Variants in PCDH15 observed in about 807,000 individuals in gnomAD.
The protein encoded by PCDH15 is protocadherin-15.
A neutral mutation model predicts 178.5 loss-of-function variants in PCDH15; 129 were observed. That is an observed-to-expected ratio of 0.72 (90% CI 0.63 to 0.84). The LOEUF (loss-of-function observed/expected upper bound fraction) is 0.84. PCDH15 is among the 40% of genes least tolerant of loss of function. PCDH15 has a pLI of 0.00. For synonymous variants in PCDH15, 800 were observed against 732.0 expected, an observed-to-expected ratio of 1.09 and a Z score of -1.50; for missense variants, 2,230 against 2,099.9, an observed-to-expected ratio of 1.06 and a Z score of -1.21.
At chr10:55,230,430 T>C (rs1177027092) in intron 1 of PCDH15, among the ~76,000 whole-genome samples, 2 of 152,120 alleles carry the variant, frequency 1.3e-5, no homozygotes, top group Non-Finnish European at 2.9e-5. Context: ...TAAGTAATAT[T>C]TACTCAGTGG....
chr10:54,722,576 G>C (rs1941802664), intron 1 of PCDH15, among the ~76,000 whole-genome samples: 1 of 117,740 alleles, frequency 8.5e-6, no homozygotes, highest in African/African-American at 3.1e-5. Flanking sequence ...TTGCAATTGG[G>C]ACCAAAAAAA....
At chr10:54,442,414 C>CTTTTTATATATATATA (rs1491511066) in intron 3 of PCDH15, among the ~76,000 whole-genome samples, 8 of 19,160 alleles carry the variant, frequency 4.2e-4, no homozygotes, top group African/African-American at 1.4e-3. Flanking sequence ...GCCTTAAAGG[C>CTTTTTATATATATATA]TATATATATA....
At chr10:54,046,630 G>A (rs1409955764) in intron 18 of PCDH15, among the ~76,000 whole-genome samples, 4 of 151,698 alleles carry the variant, frequency 2.6e-5, no homozygotes, top group East Asian at 1.9e-4. Context: ...AAAAACCCAG[G>A]AAATTAACAT....
At chr10:55,194,285 C>T (rs7093040) in intron 1 of PCDH15, among the ~76,000 whole-genome samples, 1 of 151,692 alleles carries the variant, frequency 6.6e-6, no homozygotes, top group African/African-American at 2.4e-5. Context: ...CTTCATCATT[C>T]TTTTATCTCA....
At chr10:53,983,383 C>T (rs753984284) in intron 21 of PCDH15, among the ~76,000 whole-genome samples, 4 of 151,098 alleles carry the variant, frequency 2.6e-5, no homozygotes, top group Admixed American at 1.3e-4. Context: ...AAACAGCAGG[C>T]GGAACTCTTC....
intron 1 of PCDH15, among the ~76,000 whole-genome samples, chr10:54,690,598 C>T (rs892459843): frequency 6.6e-6 from 1 of 152,088 alleles, no homozygotes; most frequent in Admixed American, 6.6e-5. Context: ...CAGGCATGAG[C>T]CACCATGGCC....
intron 12 of PCDH15, among the ~76,000 whole-genome samples, chr10:54,184,850 C>T (rs1263850207): frequency 6.6e-6 from 1 of 151,300 alleles, no homozygotes. Context: ...CAATTTAAGA[C>T]AATTATGACT....
At chr10:55,445,339 C>T (rs768923085) in intron 2 of PCDH15, among the ~76,000 whole-genome samples, 72 of 152,016 alleles carry the variant, frequency 4.7e-4, no homozygotes, top group Middle Eastern at 3.4e-3. Flanking sequence ...AAACTCCCAA[C>T]CAGGGAAAAA....
upstream of PCDH15, among the ~76,000 whole-genome samples, chr10:55,322,023 T>C (rs1843914450): frequency 6.6e-6 from 1 of 152,148 alleles, no homozygotes; most frequent in East Asian, 1.9e-4. Flanking sequence ...TTGGTATGGT[T>C]TGTCTGAGTC....
In PCDH15 at chr10:53,811,575, T is replaced by G; in HGVS notation, c.4536A>C (p.Gly1512=). The change falls in exon 36 of 38, where the codon GGA becomes GGC. Residue 1512 remains glycine (G), a synonymous_variant. Transcript: ENST00000644397. The part of the protein sequence containing the change: ...ESGIDPGQEY[G]QDYYSYEHGY... The stretch of plus-strand genomic sequence containing the variant: ...CATGCTCATAACTGTAATAATCTTG[T>G]CCATATTCCTGGCCAGGATCAATTC... 1 of 1,572,500 alleles carries G rather than the reference T, an allele frequency of 6.4e-7. No individual in the cohort carries two copies. The highest frequency in any genetic ancestry group is 8.6e-7 in the Non-Finnish European group (1 of 1,159,110).
intron 8 of PCDH15, among the ~76,000 whole-genome samples, chr10:54,247,813 T>C (rs574309986): frequency 6.6e-5 from 10 of 150,766 alleles, no homozygotes; most frequent in Non-Finnish European, 1.3e-4. Context: ...TAATAATATC[T>C]ACATTACTTG....
intron 29 of PCDH15, among the ~76,000 whole-genome samples, chr10:53,831,855 A>C (rs1383106961): frequency 6.6e-6 from 1 of 152,146 alleles, no homozygotes; most frequent in African/African-American, 2.4e-5. Context: ...TAGATGGAAT[A>C]AAATATAATA....
At chr10:54,437,253 A>T in intron 3 of PCDH15, among the ~76,000 whole-genome samples, 1 of 152,234 alleles carries the variant, frequency 6.6e-6, no homozygotes, top group East Asian at 1.9e-4. Context: ...AGACACACAA[A>T]GCAAAGGATA....
At chr10:54,398,659 C>A (rs1951548557) in intron 3 of PCDH15, among the ~76,000 whole-genome samples, 1 of 151,774 alleles carries the variant, frequency 6.6e-6, no homozygotes, top group Admixed American at 6.6e-5. Flanking sequence ...CTTGTGCAAC[C>A]TGGAAAAACA....
At chr10:54,813,647 C>A (rs193200225) in intron 3 of PCDH15, among the ~76,000 whole-genome samples, 1 of 152,264 alleles carries the variant, frequency 6.6e-6, no homozygotes, top group South Asian at 2.1e-4. Flanking sequence ...TATTCTCCAA[C>A]CTCTGTGTAC....
intron 3 of PCDH15, among the ~76,000 whole-genome samples, chr10:54,383,338 G>A (rs570039471): frequency 5.3e-5 from 8 of 152,068 alleles, no homozygotes; most frequent in African/African-American, 1.9e-4. Flanking sequence ...GAAATAAAAG[G>A]CCATTTCTTG....
At chr10:53,995,362 A>G in intron 21 of PCDH15, 2 of 450,100 alleles carry the variant, frequency 4.4e-6, no homozygotes, top group East Asian at 8.9e-5. Context: ...AGTGAAGCTT[A>G]CAAATGGAGA....
intron 21 of PCDH15, among the ~76,000 whole-genome samples, chr10:53,982,878 G>A (rs912171585): frequency 2.6e-5 from 4 of 151,880 alleles, no homozygotes; most frequent in African/African-American, 9.7e-5. Context: ...TAGGTCCTTA[G>A]TATCAGGGGA....
intron 1 of PCDH15, among the ~76,000 whole-genome samples, chr10:55,197,662 A>AT (rs1482801984): frequency 2.0e-5 from 3 of 152,028 alleles, no homozygotes; most frequent in Admixed American, 6.5e-5. Flanking sequence ...AATAACAAAT[A>AT]TTTTTTATCA....
Sources: gnomAD v4.1 joint callset for allele counts (sites outside exome capture counted in the v4.1 genomes callset) on GRCh38, gnomAD v4.1.1 for gene constraint, MANE v1.5 for transcripts, NCBI Gene and HGNC (gene_info 2026-07-23, HGNC 2026-07-21) for gene names.